The following TP63 variants were observed in gnomAD, a reference collection of about 807,000 sequenced individuals.
TP63 encodes tumor protein 63.
Under a neutral mutation model 82.8 loss-of-function variants are expected in TP63, and 17 were observed. The ratio of observed to expected loss-of-function variants is 0.21; its 90% CI spans 0.14 to 0.31. The LOEUF (loss-of-function observed/expected upper bound fraction) is 0.31, where lower values mean the gene tolerates loss of function less well. TP63 is among the 10% of genes least tolerant of loss of function. TP63 has a pLI of 1.00. For missense variants in TP63, 648 were observed against 895.3 expected, an observed-to-expected ratio of 0.72 and a Z score of 3.52; for synonymous variants, 330 against 321.7, an observed-to-expected ratio of 1.03 and a Z score of -0.28.
chr3:189,880,045 C>G (rs771099448), intron 10 of TP63: 14 of 1,605,256 alleles, frequency 8.7e-6, no homozygotes, highest in Non-Finnish European at 1.2e-5. Flanking sequence ...TTTTTCTTTT[C>G]TCTGGTTCCT....
chr3:189,716,851 T>C (rs539083358), intron 1 of TP63, among the ~76,000 whole-genome samples: 10 of 151,910 alleles, frequency 6.6e-5, no homozygotes, highest in Middle Eastern at 3.4e-3. Context: ...CAGGCTGTAG[T>C]GCAGTGGCGC....
intron 1 of TP63, among the ~76,000 whole-genome samples, chr3:189,677,419 CGTATACAT>C (rs960180497): frequency 4.3e-5 from 6 of 138,500 alleles, no homozygotes; most frequent in African/African-American, 1.3e-4. Context: ...CATATATACA[CGTATACAT>C]ATATACATAT....
At chr3:189,891,901 T>C (rs115943667) in intron 13 of TP63, among the ~76,000 whole-genome samples, 1,819 of 152,218 alleles carry the variant, frequency 0.012, 35 homozygotes, top group African/African-American at 0.043. Flanking sequence ...GGGACTCTTT[T>C]TTCCCCCTCC....
intron 4 of TP63, among the ~76,000 whole-genome samples, chr3:189,843,559 G>A (rs1322972694): frequency 6.6e-6 from 1 of 152,184 alleles, no homozygotes; most frequent in East Asian, 1.9e-4. Context: ...AGGGAGGCAG[G>A]GAGAAGTAAA....
At chr3:189,627,111 A>C (rs1729336582), upstream of TP63, among the ~76,000 whole-genome samples, 1 of 152,144 alleles carries the variant, frequency 6.6e-6, no homozygotes, top group Admixed American at 6.6e-5. Flanking sequence ...TACTAACCCC[A>C]GGTTAGCCAA....
intron 3 of TP63, among the ~76,000 whole-genome samples, chr3:189,782,353 A>C (rs1044167465): frequency 2.0e-5 from 3 of 152,140 alleles, no homozygotes; most frequent in Non-Finnish European, 2.9e-5. Context: ...AGTTCTTTCC[A>C]CTATTCCTTG....
intron 9 of TP63, among the ~76,000 whole-genome samples, chr3:189,871,056 A>T (rs1385592127): frequency 6.6e-6 from 1 of 152,168 alleles, no homozygotes; most frequent in South Asian, 2.1e-4. Flanking sequence ...TTACCCTGAT[A>T]CACTAAATAT....
At chr3:189,602,139 G>C in the TP63 span, among the ~76,000 whole-genome samples, 4 of 152,058 alleles carry the variant, frequency 2.6e-5, no homozygotes, top group Non-Finnish European at 5.9e-5. Flanking sequence ...GAAAAATGAG[G>C]ACAATAACAG....
At chr3:189,819,581 GTTACC>G (rs1311571948) in intron 4 of TP63, among the ~76,000 whole-genome samples, 1 of 151,588 alleles carries the variant, frequency 6.6e-6, no homozygotes, top group Non-Finnish European at 1.5e-5. Flanking sequence ...GTCTAATTTT[GTTACC>G]TTTAAGTTTA....
the TP63 span, among the ~76,000 whole-genome samples, chr3:189,626,103 A>T: frequency 1.3e-5 from 2 of 152,142 alleles, no homozygotes; most frequent in Non-Finnish European, 2.9e-5. Context: ...TTTTTCATTG[A>T]ATTAAAGTCA....
intron 1 of TP63, among the ~76,000 whole-genome samples, chr3:189,699,330 C>T (rs969771647): frequency 6.6e-6 from 1 of 152,176 alleles, no homozygotes; most frequent in Non-Finnish European, 1.5e-5. Flanking sequence ...AGTTATTGCT[C>T]TTTACGTGCA....
intron 3 of TP63, among the ~76,000 whole-genome samples, chr3:189,792,667 A>C (rs1226153499): frequency 1.3e-5 from 2 of 152,086 alleles, no homozygotes; most frequent in Admixed American, 1.3e-4. Flanking sequence ...TCTGTAGTTG[A>C]GAGAGCTATA....
intron 3 of TP63, among the ~76,000 whole-genome samples, chr3:189,758,485 G>A (rs975811222): frequency 6.6e-6 from 1 of 152,220 alleles, no homozygotes; most frequent in African/African-American, 2.4e-5. Flanking sequence ...GAGAAGGGAT[G>A]CAAGACTCCA....
chr3:189,619,017 G>A, the TP63 span, among the ~76,000 whole-genome samples: 2 of 152,118 alleles, frequency 1.3e-5, no homozygotes, highest in Non-Finnish European at 2.9e-5. Flanking sequence ...TCAATAAACT[G>A]TTTCCTATGT....
chr3:189,617,698 C>T, the TP63 span, among the ~76,000 whole-genome samples: 3 of 152,072 alleles, frequency 2.0e-5, no homozygotes, highest in Non-Finnish European at 4.4e-5. Flanking sequence ...TTATTTACTC[C>T]CTTGGCATAG....
At chr3:189,710,597 A>G (rs1718521253) in intron 1 of TP63, among the ~76,000 whole-genome samples, 1 of 152,200 alleles carries the variant, frequency 6.6e-6, no homozygotes, top group South Asian at 2.1e-4. Context: ...GGACTCACAA[A>G]AATATACTTG....
chr3:189,844,092 A>G (rs1296010458), intron 4 of TP63: 3 of 230,104 alleles, frequency 1.3e-5, no homozygotes, highest in Non-Finnish European at 2.7e-5. Context: ...AGTTCGGGAC[A>G]CTGACTATCA....
chr3:189,858,683 A>G (rs1716626448), intron 4 of TP63, among the ~76,000 whole-genome samples: 1 of 152,132 alleles, frequency 6.6e-6, no homozygotes, highest in Non-Finnish European at 1.5e-5. Context: ...GGAGGCTGAA[A>G]TGGGAGAATT....
intron 1 of TP63, among the ~76,000 whole-genome samples, chr3:189,697,895 CTT>C (rs1183241973): frequency 1.6e-5 from 1 of 64,482 alleles, no homozygotes; most frequent in East Asian, 1.3e-3. Flanking sequence ...TATTTTGTGA[CTT>C]TGTTATAGTT....
Sources: gnomAD v4.1 joint callset for allele counts (sites outside exome capture counted in the v4.1 genomes callset) on GRCh38, gnomAD v4.1.1 for gene constraint, MANE v1.5 for transcripts, NCBI Gene and HGNC (gene_info 2026-07-23, HGNC 2026-07-21) for gene names.